Variants in PRELID2 observed in about 807,000 individuals in gnomAD.
PRELID2 encodes PRELI domain containing 2.
Under a neutral mutation model 28.4 loss-of-function variants are expected in PRELID2, and 25 were observed. The observed-to-expected ratio is 0.88, with a 90% CI of 0.64 to 1.23. The LOEUF (loss-of-function observed/expected upper bound fraction) is 1.23, where lower values mean the gene tolerates loss of function less well. Among genes scored for constraint, PRELID2 ranks in the 50% most tolerant of loss-of-function variants. The pLI is 0.00. For missense variants in PRELID2, 201 were observed against 214.4 expected (o/e 0.94, Z 0.39); for synonymous variants, 76 against 71.6 (o/e 1.06, Z -0.31).
At position 145,523,015 on chromosome 5, in the gene PRELID2, G is replaced by A. The variant is rs116909664; in HGVS notation, n.71-49700C>T. On this transcript the variant is annotated intron_variant and non_coding_transcript_variant, in intron 1 of 2. Transcript: ENST00000510259. Reference sequence around the variant, plus strand: ...ACAATACAGTAATTGGTCAGGTTGTGGAGAGCAAATATATAGCAAGACAAA... The same window carrying A: ...ACAATACAGTAATTGGTCAGGTTGTAGAGAGCAAATATATAGCAAGACAAA... 2.7e-3 allele frequency among the ~76,000 whole-genome samples: 417 copies of A among 152,270 alleles called. 1 individual carries two copies. Among genetic ancestry groups the A allele is most frequent in the East Asian group, 9.8e-3 (51 of 5,182 alleles).
chr5:145,394,543 T>C, the PRELID2 span, among the ~76,000 whole-genome samples: 286 of 152,166 alleles, frequency 1.9e-3, 7 homozygotes, highest in East Asian at 0.042. Flanking sequence ...GTAACAAACC[T>C]GCATGTTATG....
At chr5:145,811,299 C>T (rs763909799) in intron 4 of PRELID2, among the ~76,000 whole-genome samples, 5 of 151,898 alleles carry the variant, frequency 3.3e-5, no homozygotes, top group Non-Finnish European at 7.4e-5. Flanking sequence ...GGGGACACAG[C>T]AAAACCATAT....
chr5:145,611,180 T>G (rs1753610575), intron 1 of PRELID2, among the ~76,000 whole-genome samples: 2 of 152,032 alleles, frequency 1.3e-5, no homozygotes, highest in Non-Finnish European at 2.9e-5. Context: ...CAATTTTTTT[T>G]TTATATGGGG....
chr5:145,757,953 C>T lies in PRELID2; in HGVS notation c.*2583G>A, dbSNP rs62392326. Among the ~76,000 whole-genome samples, 3,376 of 151,960 alleles carry T rather than the reference C, an allele frequency of 0.022. 64 individuals are homozygous for T. The highest frequency in any genetic ancestry group is 0.082 in the Middle Eastern group (24 of 294). ...TTATTTAGGAATGAGGAGGAAGATA[C>T]ATCTAAAAGTAGTCTTAGAGGAGAG... On this transcript the variant is annotated 3_prime_UTR_variant, in exon 7 of 7. Coordinates refer to ENST00000683046, the MANE Select transcript of PRELID2 (RefSeq NM_205846.3).
the PRELID2 span, among the ~76,000 whole-genome samples, chr5:145,327,518 G>A: frequency 6.6e-6 from 1 of 152,052 alleles, no homozygotes; most frequent in African/African-American, 2.4e-5. Flanking sequence ...AAAGCTACAA[G>A]AAGTATCTTG....
chr5:145,235,935 A>T, the PRELID2 span, among the ~76,000 whole-genome samples: 2 of 152,160 alleles, frequency 1.3e-5, no homozygotes, highest in African/African-American at 2.4e-5. Context: ...TTTTGGCTTA[A>T]GTTAGCTGGT....
intron 1 of PRELID2, among the ~76,000 whole-genome samples, chr5:145,711,043 C>A (rs557537942): frequency 6.6e-6 from 1 of 152,322 alleles, no homozygotes; most frequent in Admixed American, 6.5e-5. Flanking sequence ...TTTGTTTACA[C>A]CCCTTGACCC....
chr5:145,748,307 A>C (rs1757046865), intron 1 of PRELID2, among the ~76,000 whole-genome samples: 3 of 151,342 alleles, frequency 2.0e-5, no homozygotes, highest in South Asian at 4.2e-4. Context: ...CTTCAGCAAA[A>C]ATCACAAGCA....
the PRELID2 span, among the ~76,000 whole-genome samples, chr5:145,232,984 CGTGT>C: frequency 0.059 from 8,602 of 144,862 alleles, 441 homozygotes; most frequent in African/African-American, 0.14. Context: ...TATATATATA[CGTGT>C]GTGTGTGTGG....
chr5:145,740,266 ATATATATATATATATATATATAT>A (rs1756622502), intron 1 of PRELID2, among the ~76,000 whole-genome samples: 2 of 1,282 alleles, frequency 1.6e-3, no homozygotes, highest in Non-Finnish European at 2.6e-3. Flanking sequence ...GATTTATCAA[ATATATATATATATATATATATAT>A]ATATATATAT....
At chr5:145,610,449 C>A (rs1057278595) in intron 1 of PRELID2, among the ~76,000 whole-genome samples, 1 of 148,126 alleles carries the variant, frequency 6.8e-6, no homozygotes, top group Non-Finnish European at 1.5e-5. Flanking sequence ...GAGAAAAGAT[C>A]ATCATTCTCA....
chr5:145,589,810 T>C (rs547358805), intron 1 of PRELID2, among the ~76,000 whole-genome samples: 1 of 152,342 alleles, frequency 6.6e-6, no homozygotes. Context: ...CCTTCTAGTA[T>C]TTTATGGTTT....
At chr5:145,268,862 TA>T in the PRELID2 span, among the ~76,000 whole-genome samples, 1 of 152,060 alleles carries the variant, frequency 6.6e-6, no homozygotes, top group African/African-American at 2.4e-5. Context: ...AAAGTCATTA[TA>T]AAAATCAATT....
the PRELID2 span, among the ~76,000 whole-genome samples, chr5:145,256,936 C>A: frequency 6.6e-6 from 1 of 150,892 alleles, no homozygotes; most frequent in Non-Finnish European, 1.5e-5. Flanking sequence ...TTAGAAAAAG[C>A]AACTTAAGAA....
chr5:145,833,923 A>G (rs1024234737), intron 1 of PRELID2, among the ~76,000 whole-genome samples: 2 of 152,256 alleles, frequency 1.3e-5, no homozygotes, highest in Non-Finnish European at 2.9e-5. Flanking sequence ...GCCTAGAGAA[A>G]AGACCCTCAG....
In PRELID2 at chr5:145,564,023, T is replaced by C. The variant is rs571390368; in HGVS notation, n.71-90708A>G. 9.1e-4 allele frequency among the ~76,000 whole-genome samples: 139 copies of C among 152,334 alleles called. 1 individual carries two copies. Among genetic ancestry groups the C allele is most frequent in the African/African-American group, 3.3e-3 (136 of 41,586 alleles). ...GCATATGTACGTCAAAACATCATGT[T>C]GTGCAAGTAAAATATAAGCAATTTT... On this transcript the variant is annotated intron_variant and non_coding_transcript_variant, in intron 1 of 2. Coordinates refer to the PRELID2 transcript ENST00000510259.
chr5:145,793,090 G>A (rs2149812934), intron 5 of PRELID2, among the ~76,000 whole-genome samples: 1 of 152,200 alleles, frequency 6.6e-6, no homozygotes, highest in East Asian at 1.9e-4. Context: ...CAGGAGGAAG[G>A]AGGGGTCTGA....
intron 1 of PRELID2, among the ~76,000 whole-genome samples, chr5:145,680,808 A>G (rs906362130): frequency 5.0e-5 from 7 of 139,412 alleles, no homozygotes; most frequent in East Asian, 2.0e-4. Flanking sequence ...GCCAGAAGGG[A>G]AAAAAAAAAG....
chr5:145,638,876 T>C (rs1391066458), intron 1 of PRELID2, among the ~76,000 whole-genome samples: 2 of 152,230 alleles, frequency 1.3e-5, no homozygotes, highest in Admixed American at 6.5e-5. Context: ...TGAAAATTGG[T>C]GTAGACATTG....
Sources: gnomAD v4.1 joint callset for allele counts (sites outside exome capture counted in the v4.1 genomes callset) on GRCh38, gnomAD v4.1.1 for gene constraint, MANE v1.5 for transcripts, NCBI Gene and HGNC (gene_info 2026-07-23, HGNC 2026-07-21) for gene names.